Variants in ARHGEF18 observed in about 807,000 individuals in gnomAD.
ARHGEF18 encodes the protein Rho/Rac guanine nucleotide exchange factor 18.
ARHGEF18 carries 93 observed loss-of-function variants against 155.7 expected under a neutral mutation model. The ratio of observed to expected loss-of-function variants is 0.60; its 90% CI spans 0.50 to 0.71. ARHGEF18 has a LOEUF of 0.71. Among genes scored for constraint, ARHGEF18 ranks in the 30% least tolerant of loss-of-function variants. ARHGEF18 has a pLI of 0.00. For synonymous variants in ARHGEF18, 742 were observed against 753.1 expected (o/e 0.99, Z 0.24); for missense variants, 1,593 against 1,816.1 (o/e 0.88, Z 2.23).
rs1970274686 is a variant in ARHGEF18 at position 7,373,072 on chromosome 19, G to T, written c.275+1G>T. The T allele has an allele frequency of 4.1e-6, 5 of 1,234,536 alleles. No homozygotes were observed. The South Asian group carries it at 2.0e-4, about 51-fold the overall frequency. 76.5% of individuals were successfully genotyped at this position (1,234,536 alleles called of 1,614,324 possible). ...GGAGCTGCTCAGAGAGCTGGCGGAG[G>T]TCAGTTCCCCACTGCTGCCTGCTTC... On this transcript the variant is annotated splice_donor_variant, in intron 3 of 28. Coordinates refer to ENST00000668164, the MANE Select transcript of ARHGEF18 (RefSeq NM_001367823.1). LOFTEE classifies it high-confidence loss of function.
At chr19:7,388,808 T>C (rs1004188478) in intron 10 of ARHGEF18, among the ~76,000 whole-genome samples, 15 of 152,044 alleles carry the variant, frequency 9.9e-5, no homozygotes, top group Admixed American at 7.9e-4. Flanking sequence ...CTCAAACTCC[T>C]GACCTCAGGT....
chr19:7,382,918 G>A (rs1178495466), intron 9 of ARHGEF18, 24 bp downstream of exon 9: 15 of 1,232,338 alleles, frequency 1.2e-5, no homozygotes, highest in Non-Finnish European at 1.5e-5. Context: ...AGCCACGGGG[G>A]CCCTCCTCTG....
rs757941760 is a variant in ARHGEF18, at chr19:7,444,322, A to T, written c.1479A>T (p.Pro493=). 2.3e-5 allele frequency: 37 copies of T among 1,613,540 alleles called. No individual in the cohort carries two copies. Among genetic ancestry groups the T allele is most frequent in the East Asian group, 4.5e-5 (2 of 44,890 alleles). Residue 493 remains proline (P), a synonymous_variant, in exon 14 of 29, where the codon CCA becomes CCT. Coordinates refer to ENST00000668164, the MANE Select transcript of ARHGEF18 (RefSeq NM_001367823.1). This position sits in a 1 kb window ranked among gnomAD's most constrained non-coding sequence, Gnocchi z 4.7. The part of the protein sequence containing the change: ...FSSKAIGRLF[P]CADDLLETHS... ...GCAAGGCCATTGGCCGCCTCTTCCC[A>T]TGCGCTGACGACCTGCTGGAGACGC...
At chr19:7,474,441 C>T (rs949805959), downstream of ARHGEF18, among the ~76,000 whole-genome samples, 3 of 152,080 alleles carry the variant, frequency 2.0e-5, no homozygotes, top group African/African-American at 7.2e-5. Context: ...CAGTGGCACG[C>T]TATCTTGACT....
intron 10 of ARHGEF18, among the ~76,000 whole-genome samples, chr19:7,404,553 G>A (rs576612511): frequency 2.7e-5 from 4 of 149,450 alleles, no homozygotes; most frequent in South Asian, 2.1e-4. Context: ...TCCGTCTCCC[G>A]GGTTCAAGTG....
chr19:7,385,917 T>C (rs1238529579), intron 10 of ARHGEF18, among the ~76,000 whole-genome samples: 7 of 54,292 alleles, frequency 1.3e-4, no homozygotes, highest in African/African-American at 1.1e-3. Context: ...CCTCTCTCCC[T>C]CTCTCTCTCT....
chr19:7,439,906 T>G, intron 10 of ARHGEF18: 2 of 1,462,032 alleles, frequency 1.4e-6, no homozygotes, highest in Non-Finnish European at 1.8e-6. Context: ...TGTTTTATTC[T>G]ATCAAAGCAG....
chr19:7,439,980 G>T (rs745388682), intron 10 of ARHGEF18: 2 of 1,544,574 alleles, frequency 1.3e-6, no homozygotes, highest in Non-Finnish European at 1.7e-6. Flanking sequence ...CTCCAGACCC[G>T]CTGCTTCAGC....
chr19:7,441,228 G>T (rs1974625983), intron 11 of ARHGEF18, among the ~76,000 whole-genome samples: 1 of 130,774 alleles, frequency 7.6e-6, no homozygotes. Context: ...CGCCCAGGCT[G>T]GAGTTCAGTG....
At chr19:7,386,887 T>G (rs536880839) in intron 10 of ARHGEF18, among the ~76,000 whole-genome samples, 9 of 151,998 alleles carry the variant, frequency 5.9e-5, no homozygotes, top group Non-Finnish European at 1.3e-4. Flanking sequence ...GGATCCCTTC[T>G]CCACTCTGGG....
intron 10 of ARHGEF18, among the ~76,000 whole-genome samples, chr19:7,409,287 C>T: frequency 7.1e-6 from 1 of 141,404 alleles, no homozygotes. Flanking sequence ...TCTTGATCTC[C>T]TGACCTTGTG....
intron 23 of ARHGEF18, among the ~76,000 whole-genome samples, chr19:7,465,627 T>C (rs988950012): frequency 6.6e-6 from 1 of 152,152 alleles, no homozygotes; most frequent in African/African-American, 2.4e-5. Flanking sequence ...CAGGCTGGTT[T>C]CCAACTCCTG....
At chr19:7,477,316 C>T, downstream of ARHGEF18, 2 of 1,561,724 alleles carry the variant, frequency 1.3e-6, no homozygotes, top group South Asian at 2.4e-5. Context: ...GGCCGGCCCA[C>T]AGCACGCCCC....
intron 10 of ARHGEF18, among the ~76,000 whole-genome samples, chr19:7,437,554 T>C (rs1600436765): frequency 6.6e-6 from 1 of 152,004 alleles, no homozygotes; most frequent in East Asian, 1.9e-4. Flanking sequence ...GAAAGAGACT[T>C]CTAGCTGCTC....
rs910992078 is a variant in ARHGEF18, at chr19:7,373,055, T to C, written c.259T>C (p.Ser87Pro). Reference protein sequence around the residue: ...RRSWERSRSCSESWRRLSLDA... With the variant: ...RRSWERSRSCPESWRRLSLDA... ...CAGCTGGGAAAGGTCGCGGAGCTGC[T>C]CAGAGAGCTGGCGGAGGTCAGTTCC... Residue 87 changes from serine (S) to proline (P), a missense_variant, in exon 3 of 29, where the codon TCA becomes CCA. Physicochemically the swap from Ser to Pro is moderately conservative, Grantham distance 74 (BLOSUM62 -1). Transcript: ENST00000668164. The C allele has an allele frequency of 4.9e-6, 6 of 1,234,308 alleles. No individual in the cohort carries two copies. The African/African-American group carries it at 9.3e-5, about 19-fold the overall frequency. The allele number at this position is 1,234,308 out of a possible 1,614,324, so 76.5% of individuals were successfully genotyped here.
In ARHGEF18 at chr19:7,367,844, A is replaced by ATATATATACATATATATAT. The variant is rs1568270204; in HGVS notation, c.15+4947_15+4948insCATATATATATTATATATA. Among the ~76,000 whole-genome samples, 14 of 3,886 alleles carry ATATATATACATATATATAT rather than the reference A, an allele frequency of 3.6e-3. 2 individuals are homozygous for ATATATATACATATATATAT. The highest frequency in any genetic ancestry group is 7.9e-3 in the African/African-American group (14 of 1,768). The allele number at this position is 3,886 out of a possible 152,430, so 2.5% of individuals were successfully genotyped here. On this transcript the variant is annotated intron_variant, in intron 2 of 28. Transcript: ENST00000668164. ...ATATATATACACATATATATATTTT[A>ATATATATACATATATATAT]TATATATATATACACATATATATTT...
chr19:7,464,429 C>A, intron 22 of ARHGEF18, 131 bp from the exon 23 acceptor site: 1 of 1,138,072 alleles, frequency 8.8e-7, no homozygotes, highest in Non-Finnish European at 1.2e-6. Flanking sequence ...CAGCAGGCGT[C>A]TGTGCTGCAG....
chr19:7,460,298 A>G (rs1976135173), intron 20 of ARHGEF18, among the ~76,000 whole-genome samples: 1 of 152,078 alleles, frequency 6.6e-6, no homozygotes, highest in African/African-American at 2.4e-5. Flanking sequence ...TCGTGCAGCC[A>G]GGAGCTCAAC....
At chr19:7,446,758 G>A (rs780013199) in intron 14 of ARHGEF18, among the ~76,000 whole-genome samples, 1 of 151,404 alleles carries the variant, frequency 6.6e-6, no homozygotes, top group South Asian at 2.1e-4. Flanking sequence ...TTAGCCAGGC[G>A]TGGTGGCGGC....
Sources: allele counts gnomAD v4.1 joint callset (sites outside exome capture counted in the v4.1 genomes callset), GRCh38; gene constraint gnomAD v4.1.1; non-coding constraint Gnocchi (gnomAD v3.1); transcripts MANE v1.5; gene names NCBI Gene and HGNC (gene_info 2026-07-23, HGNC 2026-07-21).